Variants in SOCS7 observed in about 807,000 individuals in gnomAD.
SOCS7 encodes the protein suppressor of cytokine signaling 7, also known as NAP-4.
A neutral mutation model predicts 58.9 loss-of-function variants in SOCS7; 18 were observed. The ratio of observed to expected loss-of-function variants is 0.31; its 90% CI spans 0.21 to 0.45. SOCS7 has a LOEUF of 0.45. SOCS7 is among the 20% of genes least tolerant of loss of function. The pLI, the probability that SOCS7 is intolerant of heterozygous loss-of-function variation, is 1.00. For synonymous variants in SOCS7, 388 were observed against 364.3 expected (o/e 1.06, Z -0.74); for missense variants, 667 against 837.3 (o/e 0.80, Z 2.51).
rs1300951648 is a variant in SOCS7 at position 38,401,935 on chromosome 17, C to T, written c.*2453C>T. The stretch of plus-strand genomic sequence containing the variant: ...CCAAAGCCCAAAGGAGTCAGCAAGG[C>T]TCCTGCCCATTGCCAGGGCCTCACT... On this transcript the variant is annotated 3_prime_UTR_variant, in exon 10 of 10. Coordinates refer to ENST00000612932, the MANE Select transcript of SOCS7 (RefSeq NM_014598.4). 2.0e-5 allele frequency: 3 copies of T among 152,286 alleles called. No individual in the cohort carries two copies. The highest frequency in any genetic ancestry group is 7.2e-5 in the African/African-American group (3 of 41,458). 9.4% of individuals were successfully genotyped at this position (152,286 alleles called of 1,614,324 possible).
At chr17:38,353,741 A>G (rs761562719) in intron 1 of SOCS7, among the ~76,000 whole-genome samples, 8 of 152,000 alleles carry the variant, frequency 5.3e-5, no homozygotes, top group Non-Finnish European at 8.8e-5. Context: ...CATCTCTACA[A>G]AACAAACAAA....
chr17:38,377,242 T>G (rs949845161), intron 6 of SOCS7, among the ~76,000 whole-genome samples: 1 of 152,350 alleles, frequency 6.6e-6, no homozygotes. Context: ...TTTTTCTGAT[T>G]TGAAATTATT....
At position 38,352,634 on chromosome 17, in the gene SOCS7, C is replaced by T. The variant is rs1221663035; in HGVS notation, c.582C>T (p.Asn194=). The change falls in exon 1 of 10, where the codon AAC becomes AAT. Residue 194 remains asparagine, a synonymous_variant. Coordinates refer to ENST00000612932, the MANE Select transcript of SOCS7 (RefSeq NM_014598.4). The surrounding 1 kb of genome is among the most constrained non-coding windows in gnomAD (Gnocchi z 5.5). ...CGGAGGCCGAGAGCCTGGAGACTAA[C>T]AGCTGCTCGGAAGAGGAGCTCAGCA... ...LESEAESLET[N]SCSEEELSSP... 8 of 1,550,082 alleles carry T rather than the reference C, an allele frequency of 5.2e-6. No homozygotes were observed. Among genetic ancestry groups the T allele is most frequent in the African/African-American group, 1.4e-5 (1 of 73,188 alleles).
chr17:38,354,964 C>A lies in SOCS7; in HGVS notation c.980+1932C>A, dbSNP rs41336346. On this transcript the variant is annotated intron_variant, in intron 1 of 9. Transcript: ENST00000612932. ...CATTGGCTGCTCTGTCACCAACCCT[C>A]ACACTAAGCACAATACAGATTTCTG... Among the ~76,000 whole-genome samples, 679 of 152,330 alleles carry A rather than the reference C, an allele frequency of 4.5e-3. 6 individuals carry two copies. Among genetic ancestry groups the A allele is most frequent in the African/African-American group, 0.016 (656 of 41,572 alleles).
intron 7 of SOCS7, among the ~76,000 whole-genome samples, chr17:38,391,736 T>C (rs1158025102): frequency 6.6e-6 from 1 of 152,142 alleles, no homozygotes; most frequent in Non-Finnish European, 1.5e-5. Flanking sequence ...GTTTTTTTCT[T>C]CTTGGAGGAT....
Position 38,366,414 on chromosome 17 carries a change from G to A in SOCS7, c.1380G>A (p.Glu460=). Residue 460 remains glutamate (E), a synonymous_variant, in exon 5 of 10, where the codon GAG becomes GAA. Coordinates refer to ENST00000612932, the MANE Select transcript of SOCS7 (RefSeq NM_014598.4). ...SSFAASLREL[E]KCGWYWGPMN... ...TTGCAGCCAGCCTTCGAGAGTTGGA[G>A]AAGGTAGGTGGTACCTAAGGACTGG... 1 of 1,614,228 alleles carries A rather than the reference G, an allele frequency of 6.2e-7. No homozygotes were observed. The highest frequency in any genetic ancestry group is 8.5e-7 in the Non-Finnish European group (1 of 1,180,034).
intron 6 of SOCS7, among the ~76,000 whole-genome samples, chr17:38,372,896 C>T (rs964196206): frequency 1.3e-5 from 2 of 152,070 alleles, no homozygotes; most frequent in East Asian, 1.9e-4. Flanking sequence ...CACATGAGGT[C>T]GGGAGTTCGA....
intron 6 of SOCS7, among the ~76,000 whole-genome samples, chr17:38,372,992 G>A (rs529590507): frequency 1.1e-3 from 162 of 152,150 alleles, no homozygotes; most frequent in Non-Finnish European, 1.9e-3. Context: ...TATAATCCCA[G>A]CTACTCAGGA....
chr17:38,364,576 T>C (rs745796334), intron 2 of SOCS7, among the ~76,000 whole-genome samples, 176 bp from the exon 3 acceptor site: 6 of 152,182 alleles, frequency 3.9e-5, no homozygotes, highest in Admixed American at 1.3e-4. Flanking sequence ...AATGATAGAA[T>C]TTAAAAATTG....
chr17:38,370,399 G>A (rs141511297), intron 6 of SOCS7, among the ~76,000 whole-genome samples: 2 of 152,164 alleles, frequency 1.3e-5, no homozygotes, highest in East Asian at 3.9e-4. Flanking sequence ...GAGTGTAGTG[G>A]TGAGATCATG....
chr17:38,363,975 G>A (rs1166340998), intron 2 of SOCS7, among the ~76,000 whole-genome samples: 1 of 152,108 alleles, frequency 6.6e-6, no homozygotes, highest in African/African-American at 2.4e-5. Flanking sequence ...AAGTGGAGAG[G>A]GAATAGACAG....
At chr17:38,382,950 C>T (rs923077052) in intron 7 of SOCS7, among the ~76,000 whole-genome samples, 12 of 151,872 alleles carry the variant, frequency 7.9e-5, no homozygotes, top group African/African-American at 1.9e-4. Context: ...GGGTCTGTCC[C>T]GTGTATTGGA....
chr17:38,391,224 C>T (rs2038169698), intron 7 of SOCS7, among the ~76,000 whole-genome samples: 1 of 151,916 alleles, frequency 6.6e-6, no homozygotes, highest in South Asian at 2.1e-4. Flanking sequence ...TGTGAAATAA[C>T]ATGTATGTGG....
intron 7 of SOCS7, among the ~76,000 whole-genome samples, chr17:38,394,612 G>A (rs1396811574): frequency 6.6e-6 from 1 of 152,190 alleles, no homozygotes; most frequent in Admixed American, 6.5e-5. Context: ...TGCCCAACAA[G>A]TATCTCCCAT....
rs780311034 is a variant in SOCS7, at chr17:38,361,704, T to A, written c.981-7T>A. ...CTCTATTCTCTCTCTGCTTTCTCACTCCCTAGGAAACCCAAGTTGACAAGA... is the reference window on the plus strand; with the variant it reads ...CTCTATTCTCTCTCTGCTTTCTCACACCCTAGGAAACCCAAGTTGACAAGA... On this transcript the variant is annotated splice_region_variant and splice_polypyrimidine_tract_variant and intron_variant, in intron 1 of 9. Transcript: ENST00000612932. The A allele has an allele frequency of 1.9e-6, 3 of 1,611,744 alleles. No individual in the cohort carries two copies. In the South Asian group the frequency reaches 3.3e-5, roughly 18 times the overall value.
intron 4 of SOCS7, 148 bp from the exon 5 acceptor site, chr17:38,366,139 T>C: frequency 1.5e-6 from 2 of 1,298,240 alleles, no homozygotes; most frequent in South Asian, 3.1e-5. Flanking sequence ...CATCCAGCTC[T>C]TTGCCACTGC....
intron 6 of SOCS7, among the ~76,000 whole-genome samples, chr17:38,368,260 A>G (rs1217723420): frequency 2.0e-5 from 3 of 152,188 alleles, no homozygotes; most frequent in Non-Finnish European, 4.4e-5. Flanking sequence ...TCCATTTAAA[A>G]GTCTTGTCAG....
Position 38,369,073 on chromosome 17 carries a change from G to A in SOCS7, c.1552+1023G>A, listed in dbSNP as rs532466985. 2.4e-4 allele frequency among the ~76,000 whole-genome samples: 36 copies of A among 152,276 alleles called. 1 individual carries two copies. The South Asian group carries it at 4.4e-3, about 18-fold the overall frequency. The stretch of plus-strand genomic sequence containing the variant: ...TAACTTGGGCCAGAAACTTGTGATG[G>A]TCATTGTTTCTGAGGCTGGGTAATA... On this transcript the variant is annotated intron_variant, in intron 6 of 9. Transcript: ENST00000612932.
chr17:38,355,943 G>A (rs1555566754), intron 1 of SOCS7, among the ~76,000 whole-genome samples: 2 of 152,118 alleles, frequency 1.3e-5, no homozygotes, highest in African/African-American at 2.4e-5. Context: ...GAGTGCAGTG[G>A]TGCGATCTTG....
Sources: allele counts gnomAD v4.1 joint callset (sites outside exome capture counted in the v4.1 genomes callset), GRCh38; gene constraint gnomAD v4.1.1; non-coding constraint Gnocchi (gnomAD v3.1); transcripts MANE v1.5; gene names NCBI Gene and HGNC (gene_info 2026-07-23, HGNC 2026-07-21).